The following OCLN variants were observed in gnomAD, a reference collection of about 807,000 sequenced individuals.
OCLN encodes occludin.
Under a neutral mutation model 47.9 loss-of-function variants are expected in OCLN, and 21 were observed. The ratio of observed to expected loss-of-function variants is 0.44; its 90% CI spans 0.31 to 0.63. OCLN has a LOEUF of 0.63. Among genes scored for constraint, OCLN ranks in the 30% least tolerant of loss-of-function variants. The pLI is 0.08. For synonymous variants in OCLN, 117 were observed against 198.4 expected (o/e 0.59, Z 3.45); for missense variants, 360 against 571.0 (o/e 0.63, Z 3.77).
At chr5:69,547,569 CAA>C (rs5868582) in intron 6 of OCLN, among the ~76,000 whole-genome samples, 5 of 74,582 alleles carry the variant, frequency 6.7e-5, no homozygotes, top group Admixed American at 1.4e-4. Context: ...GGCTTTGTCT[CAA>C]AAAAAAAAAA....
At chr5:69,532,626 G>T (rs1456911555) in intron 4 of OCLN, among the ~76,000 whole-genome samples, 1 of 151,856 alleles carries the variant, frequency 6.6e-6, no homozygotes. Flanking sequence ...TAATTTAAAG[G>T]CTATTAGGTA....
chr5:69,550,144 T>C (rs2112092772), intron 7 of OCLN, among the ~76,000 whole-genome samples: 1 of 141,360 alleles, frequency 7.1e-6, no homozygotes, highest in South Asian at 2.4e-4. Flanking sequence ...TACCAGTATA[T>C]ACTGGTGAAC....
intron 2 of OCLN, among the ~76,000 whole-genome samples, chr5:69,506,027 G>A (rs764002824): frequency 1.3e-5 from 2 of 152,188 alleles, no homozygotes; most frequent in Non-Finnish European, 2.9e-5. Flanking sequence ...GTTGTGGCCT[G>A]TGTTTCTGAC....
At chr5:69,525,840 G>T (rs1275395818) in intron 4 of OCLN, among the ~76,000 whole-genome samples, 2 of 151,950 alleles carry the variant, frequency 1.3e-5, no homozygotes, top group African/African-American at 4.8e-5. Flanking sequence ...TTGTGTTGAT[G>T]GTATGATAGA....
intron 3 of OCLN, 127 bp from the exon 4 acceptor site, chr5:69,513,821 C>T (rs1319506538): frequency 6.1e-6 from 5 of 822,934 alleles, no homozygotes; most frequent in Non-Finnish European, 1.0e-5. Context: ...CTTCAGTTTT[C>T]TATCAATTAA....
At chr5:69,518,304 A>C (rs112568361) in intron 4 of OCLN, among the ~76,000 whole-genome samples, 5 of 152,192 alleles carry the variant, frequency 3.3e-5, no homozygotes, top group Admixed American at 3.3e-4. Flanking sequence ...TATGTAAAAG[A>C]ATTGTCTGTT....
chr5:69,515,651 C>T (rs1332105437), intron 4 of OCLN, among the ~76,000 whole-genome samples: 55 of 151,946 alleles, frequency 3.6e-4, no homozygotes, highest in African/African-American at 1.3e-3. Context: ...CCCCCACCTC[C>T]CTCCCGGATG....
Position 69,549,564 on chromosome 5 carries a change from G to GT in OCLN, c.1425+1473dup, listed in dbSNP as rs999754388. On this transcript the variant is annotated intron_variant, in intron 7 of 8. Transcript: ENST00000396442. Reference sequence around the variant, plus strand: ...TGTCTTTTAAATCAACAGTTTATGGGTTTTTTTTTTCCCTCCCTTGATCAC... The same window carrying GT: ...TGTCTTTTAAATCAACAGTTTATGGGTTTTTTTTTTTCCCTCCCTTGATCAC... Among the ~76,000 whole-genome samples, 74 of 135,486 alleles carry GT rather than the reference G, an allele frequency of 5.5e-4. 1 individual carries two copies. Among genetic ancestry groups the GT allele is most frequent in the Admixed American group, 6.8e-4 (9 of 13,330 alleles). 88.9% of individuals were successfully genotyped at this position (135,486 alleles called of 152,430 possible).
chr5:69,531,094 A>T (rs965520262), intron 4 of OCLN, among the ~76,000 whole-genome samples: 4 of 152,268 alleles, frequency 2.6e-5, no homozygotes, highest in Non-Finnish European at 5.9e-5. Flanking sequence ...CTGTAAATCC[A>T]TGCCTACAAA....
chr5:69,529,138 G>A (rs1262808784), intron 4 of OCLN, among the ~76,000 whole-genome samples: 1 of 152,120 alleles, frequency 6.6e-6, no homozygotes, highest in East Asian at 1.9e-4. Context: ...GTCAGGGTGG[G>A]GAAGGTGGGA....
intron 4 of OCLN, among the ~76,000 whole-genome samples, chr5:69,530,173 T>A (rs539742009): frequency 6.6e-6 from 1 of 152,222 alleles, no homozygotes; most frequent in African/African-American, 2.4e-5. Context: ...GCCTCATCTC[T>A]TAAGAAAAAA....
intron 1 of OCLN, among the ~76,000 whole-genome samples, chr5:69,503,467 C>T (rs1055741242): frequency 5.3e-5 from 8 of 152,266 alleles, no homozygotes; most frequent in Admixed American, 4.6e-4. Context: ...AAGCTAGCCA[C>T]CTGTGTTATC....
intron 4 of OCLN, among the ~76,000 whole-genome samples, chr5:69,515,095 G>C (rs1453531090): frequency 2.0e-4 from 30 of 152,128 alleles, no homozygotes; most frequent in Admixed American, 8.5e-4. Context: ...TTCCCAGTAG[G>C]GGCGGCCGGG....
chr5:69,533,251 T>C (rs1769498037), intron 4 of OCLN, among the ~76,000 whole-genome samples: 1 of 152,146 alleles, frequency 6.6e-6, no homozygotes, highest in South Asian at 2.1e-4. Context: ...GGGAAGAAGC[T>C]GAGGCAAAAT....
intron 1 of OCLN, among the ~76,000 whole-genome samples, chr5:69,498,131 C>CA (rs200853908): frequency 2.9e-4 from 43 of 145,794 alleles, no homozygotes; most frequent in African/African-American, 7.0e-4. Context: ...GACTCCGTCT[C>CA]AAAAAAAAAA....
At chr5:69,516,525 G>C (rs544896459) in intron 4 of OCLN, among the ~76,000 whole-genome samples, 6 of 151,988 alleles carry the variant, frequency 3.9e-5, no homozygotes, top group African/African-American at 9.7e-5. Context: ...AGAGGGAGAG[G>C]GGGGAGAGGG....
intron 4 of OCLN, among the ~76,000 whole-genome samples, chr5:69,525,686 CT>C (rs1442141986): frequency 6.6e-6 from 1 of 152,148 alleles, no homozygotes; most frequent in Admixed American, 6.6e-5. Context: ...TAAAGGTCAA[CT>C]TTTTATGAGG....
At chr5:69,520,256 G>T (rs1373841853) in intron 4 of OCLN, among the ~76,000 whole-genome samples, 1 of 151,686 alleles carries the variant, frequency 6.6e-6, no homozygotes, top group Non-Finnish European at 1.5e-5. Context: ...ACCATGCCTG[G>T]CCTGTATAAA....
chr5:69,517,321 T>TAC (rs1337946364), intron 4 of OCLN, among the ~76,000 whole-genome samples: 3 of 145,054 alleles, frequency 2.1e-5, no homozygotes, highest in African/African-American at 7.5e-5. Context: ...TATATTTTTT[T>TAC]TTTTTTTGAG....
Sources: gnomAD v4.1 joint callset for allele counts (sites outside exome capture counted in the v4.1 genomes callset) on GRCh38, gnomAD v4.1.1 for gene constraint, MANE v1.5 for transcripts, NCBI Gene and HGNC (gene_info 2026-07-23, HGNC 2026-07-21) for gene names.